PPP3R1: variants seen among roughly 807,000 people sequenced by gnomAD.
The protein encoded by PPP3R1 is protein phosphatase 3 regulatory subunit B, alpha, also known as calcineurin subunit B type 1.
A neutral mutation model predicts 22.6 loss-of-function variants in PPP3R1; 5 were observed. That is an observed-to-expected ratio of 0.22 (90% CI 0.12 to 0.46). PPP3R1 has a LOEUF of 0.46. Ranked by LOEUF, PPP3R1 falls within the 20% of genes least tolerant of loss-of-function variation. The pLI, the probability that PPP3R1 is intolerant of heterozygous loss-of-function variation, is 0.99. For synonymous variants in PPP3R1, 56 were observed against 65.2 expected (o/e 0.86, Z 0.68); for missense variants, 61 against 203.2 (o/e 0.30, Z 4.25).
intron 1 of PPP3R1, among the ~76,000 whole-genome samples, chr2:68,236,451 C>A (rs1291391092): frequency 6.6e-6 from 1 of 152,148 alleles, no homozygotes; most frequent in East Asian, 1.9e-4. Context: ...TCCTAATTAC[C>A]CCTAACCTAA....
chr2:68,186,344 G>T, intron 5 of PPP3R1, 124 bp downstream of exon 5: 1 of 834,872 alleles, frequency 1.2e-6, no homozygotes, highest in Non-Finnish European at 1.8e-6. Flanking sequence ...AAAACAATAC[G>T]GGCAATTAGG....
chr2:68,181,107 G>A lies in PPP3R1; in HGVS notation c.466-97C>T, dbSNP rs1674390450. The stretch of plus-strand genomic sequence containing the variant: ...TCAAATTTTAAAAAATATTACTAGG[G>A]GGCTGGGCGTGGTGGCTCACACCTG... On this transcript the variant is annotated intron_variant, in intron 5 of 5. Coordinates refer to ENST00000234310, the MANE Select transcript of PPP3R1 (RefSeq NM_000945.4). 38 of 1,221,908 alleles carry A rather than the reference G, an allele frequency of 3.1e-5. 1 individual carries two copies. The South Asian group carries it at 4.7e-4, about 15-fold the overall frequency. The allele number at this position is 1,221,908 out of a possible 1,614,324, so 75.7% of individuals were successfully genotyped here. A position where few individuals can be genotyped will look rare whatever the true frequency, so the allele number is the denominator to read the frequency against.
At chr2:68,187,815 AAAAT>A (rs1330274862) in intron 3 of PPP3R1, among the ~76,000 whole-genome samples, 1 of 152,202 alleles carries the variant, frequency 6.6e-6, no homozygotes, top group African/African-American at 2.4e-5. Context: ...TGTCCAAACT[AAAAT>A]AAAATCTATT....
intron 2 of PPP3R1, among the ~76,000 whole-genome samples, chr2:68,204,513 C>A (rs1352475778): frequency 1.3e-5 from 2 of 152,086 alleles, no homozygotes; most frequent in African/African-American, 4.8e-5. Context: ...GGCCTAAGAT[C>A]AAATCATGGC....
intron 2 of PPP3R1, among the ~76,000 whole-genome samples, chr2:68,213,806 T>C (rs1371960101): frequency 6.6e-6 from 1 of 152,194 alleles, no homozygotes; most frequent in African/African-American, 2.4e-5. Context: ...CCAATGACAT[T>C]CTTCACAGAA....
At chr2:68,187,391 C>T (rs1411592685) in intron 3 of PPP3R1, 77 bp from the exon 4 acceptor site, 2 of 1,237,652 alleles carry the variant, frequency 1.6e-6, no homozygotes, top group African/African-American at 1.5e-5. Context: ...CTTACATACC[C>T]ACAAAAGGAT....
intron 2 of PPP3R1, among the ~76,000 whole-genome samples, chr2:68,192,391 GATC>G (rs1674683958): frequency 6.6e-6 from 1 of 152,114 alleles, no homozygotes; most frequent in Non-Finnish European, 1.5e-5. Flanking sequence ...GACAAATCAG[GATC>G]ATTTCTTCTA....
chr2:68,248,910 A>C (rs577046977), intron 1 of PPP3R1, among the ~76,000 whole-genome samples: 14 of 152,316 alleles, frequency 9.2e-5, no homozygotes, highest in African/African-American at 3.1e-4. Context: ...TTTGTCTTAC[A>C]TTCTCTACTT....
chr2:68,218,108 G>A lies in PPP3R1; in HGVS notation c.4-977C>T, dbSNP rs1377119584. ...TAAAGTTCAGTGGTAAATTGAATACGAAGCATCCTATATTCTATTTATCTA... is the reference window on the plus strand; with the variant it reads ...TAAAGTTCAGTGGTAAATTGAATACAAAGCATCCTATATTCTATTTATCTA... On this transcript the variant is annotated intron_variant, in intron 1 of 5. Coordinates refer to ENST00000234310, the MANE Select transcript of PPP3R1 (RefSeq NM_000945.4). 5.3e-5 allele frequency among the ~76,000 whole-genome samples: 8 copies of A among 152,098 alleles called. No homozygotes were observed. In the South Asian group the frequency reaches 6.2e-4, roughly 12 times the overall value.
intron 2 of PPP3R1, among the ~76,000 whole-genome samples, chr2:68,192,482 T>C (rs1207229658): frequency 6.6e-6 from 1 of 152,200 alleles, no homozygotes; most frequent in African/African-American, 2.4e-5. Flanking sequence ...TTAGTCAATT[T>C]ATTGAAGTGG....
chr2:68,209,683 C>T (rs1669439288), intron 2 of PPP3R1, among the ~76,000 whole-genome samples: 1 of 151,750 alleles, frequency 6.6e-6, no homozygotes, highest in South Asian at 2.1e-4. Context: ...GCTTGAGCCC[C>T]AGTGAGCCAG....
chr2:68,243,193 T>C (rs555651308), intron 1 of PPP3R1, among the ~76,000 whole-genome samples: 1 of 152,328 alleles, frequency 6.6e-6, no homozygotes, highest in South Asian at 2.1e-4. Flanking sequence ...GTGCTAAATT[T>C]CAAAAGATTT....
chr2:68,243,622 T>C (rs1205438734), intron 1 of PPP3R1, among the ~76,000 whole-genome samples: 3 of 152,168 alleles, frequency 2.0e-5, no homozygotes, highest in South Asian at 2.1e-4. Context: ...AAATGTTATT[T>C]TCCCCAGAGT....
At chr2:68,244,243 G>C (rs951989338) in intron 1 of PPP3R1, among the ~76,000 whole-genome samples, 2 of 152,082 alleles carry the variant, frequency 1.3e-5, no homozygotes, top group African/African-American at 4.8e-5. Flanking sequence ...TAAAACCCCT[G>C]TTTTCTAGAT....
intron 1 of PPP3R1, among the ~76,000 whole-genome samples, chr2:68,245,637 C>A (rs1222987333): frequency 6.6e-6 from 1 of 152,172 alleles, no homozygotes; most frequent in Non-Finnish European, 1.5e-5. Flanking sequence ...AAAATGCCTC[C>A]ATTTTTATTT....
intron 2 of PPP3R1, among the ~76,000 whole-genome samples, chr2:68,193,346 T>C (rs895735795): frequency 1.3e-5 from 2 of 152,156 alleles, no homozygotes; most frequent in African/African-American, 4.8e-5. Context: ...GGGGCAGTTA[T>C]CTTTTCTCCA....
intron 1 of PPP3R1, among the ~76,000 whole-genome samples, chr2:68,218,748 G>T (rs1275964382): frequency 6.8e-6 from 1 of 148,004 alleles, no homozygotes; most frequent in South Asian, 2.2e-4. Context: ...TTTTAAATAA[G>T]TATCATTACT....
intron 2 of PPP3R1, among the ~76,000 whole-genome samples, chr2:68,209,358 C>CAAAAAAAAAA (rs777851469): frequency 2.4e-5 from 1 of 41,694 alleles, no homozygotes; most frequent in Non-Finnish European, 4.3e-5. Flanking sequence ...GACTCTGTCT[C>CAAAAAAAAAA]AAAAAAAAAA....
intron 2 of PPP3R1, among the ~76,000 whole-genome samples, chr2:68,203,063 T>C (rs1572959464): frequency 1.3e-5 from 2 of 152,246 alleles, no homozygotes; most frequent in African/African-American, 4.8e-5. Flanking sequence ...GAAAATCCTT[T>C]GTTCTTCTCG....
Sources: allele counts gnomAD v4.1 joint callset (sites outside exome capture counted in the v4.1 genomes callset), GRCh38; gene constraint gnomAD v4.1.1; transcripts MANE v1.5; gene names NCBI Gene and HGNC (gene_info 2026-07-23, HGNC 2026-07-21).